Variants in ATXN1 observed in about 807,000 individuals in gnomAD.
ATXN1 encodes the protein ataxin 1.
A neutral mutation model predicts 56.4 loss-of-function variants in ATXN1; 8 were observed. The ratio of observed to expected loss-of-function variants is 0.14; its 90% CI spans 0.08 to 0.26. The LOEUF (loss-of-function observed/expected upper bound fraction) is 0.26, where lower values mean the gene tolerates loss of function less well. ATXN1 is among the 10% of genes least tolerant of loss of function. The pLI is 1.00. For missense variants in ATXN1, 987 were observed against 1,106.5 expected (o/e 0.89, Z 1.53); for synonymous variants, 514 against 494.6 (o/e 1.04, Z -0.52).
At chr6:16,540,549 C>T (rs1418946731) in intron 4 of ATXN1, among the ~76,000 whole-genome samples, 1 of 152,018 alleles carries the variant, frequency 6.6e-6, no homozygotes, top group Non-Finnish European at 1.5e-5. Flanking sequence ...GAGATGAGTT[C>T]TATTATTATT....
At chr6:16,475,001 C>T (rs978985936) in intron 6 of ATXN1, among the ~76,000 whole-genome samples, 1 of 152,112 alleles carries the variant, frequency 6.6e-6, no homozygotes, top group Non-Finnish European at 1.5e-5. Context: ...GACACGGTAA[C>T]CACATCAAAA....
At chr6:16,333,706 G>A (rs1398147436) in intron 6 of ATXN1, among the ~76,000 whole-genome samples, 2 of 152,140 alleles carry the variant, frequency 1.3e-5, no homozygotes, top group Non-Finnish European at 2.9e-5. Context: ...GAAAAACTAC[G>A]TATGCAAACA....
At chr6:16,759,772 G>A (rs1483736120) in intron 1 of ATXN1, among the ~76,000 whole-genome samples, 1 of 151,590 alleles carries the variant, frequency 6.6e-6, no homozygotes, top group Non-Finnish European at 1.5e-5. Flanking sequence ...TAAGGTTCTT[G>A]CTCAATCTCC....
chr6:16,362,933 A>C (rs192018416), intron 6 of ATXN1, among the ~76,000 whole-genome samples: 1 of 152,244 alleles, frequency 6.6e-6, no homozygotes, highest in Non-Finnish European at 1.5e-5. Flanking sequence ...CGCTCATTTA[A>C]GTAAGCACTC....
At chr6:16,380,141 C>T (rs7745262) in intron 6 of ATXN1, among the ~76,000 whole-genome samples, 11,232 of 152,112 alleles carry the variant, frequency 0.074, 854 homozygotes, top group East Asian at 0.43. Flanking sequence ...TGTAATCTGC[C>T]CAGATCACAG....
chr6:16,646,986 T>A (rs1023956862), intron 3 of ATXN1, among the ~76,000 whole-genome samples: 3 of 151,934 alleles, frequency 2.0e-5, no homozygotes, highest in African/African-American at 7.3e-5. Flanking sequence ...CTCATTTAGG[T>A]TTTTTTGTTT....
At chr6:16,356,527 C>T (rs1050413661) in intron 6 of ATXN1, among the ~76,000 whole-genome samples, 2 of 152,092 alleles carry the variant, frequency 1.3e-5, no homozygotes, top group Non-Finnish European at 2.9e-5. Flanking sequence ...AGTATTTTCC[C>T]CACAGTGTTT....
intron 3 of ATXN1, among the ~76,000 whole-genome samples, chr6:16,617,404 A>C (rs191241719): frequency 8.4e-4 from 128 of 152,268 alleles, no homozygotes; most frequent in African/African-American, 3.0e-3. Flanking sequence ...TAAATAGACT[A>C]AAAATAGCTA....
At chr6:16,427,354 A>C (rs1009799636) in intron 6 of ATXN1, among the ~76,000 whole-genome samples, 4 of 152,220 alleles carry the variant, frequency 2.6e-5, no homozygotes, top group Non-Finnish European at 5.9e-5. Context: ...ATGACTTCAG[A>C]CATTCAGACA....
intron 6 of ATXN1, among the ~76,000 whole-genome samples, chr6:16,365,549 G>C (rs1380959813): frequency 6.6e-6 from 1 of 152,120 alleles, no homozygotes; most frequent in Non-Finnish European, 1.5e-5. Context: ...TGACATTTGG[G>C]GGCTTAACAC....
At chr6:16,674,241 G>C (rs962048497) in intron 2 of ATXN1, among the ~76,000 whole-genome samples, 5 of 151,198 alleles carry the variant, frequency 3.3e-5, no homozygotes, top group African/African-American at 9.7e-5. Flanking sequence ...ATGACCCGCA[G>C]CCCAACCTAG....
chr6:16,375,160 C>T (rs549580349), intron 6 of ATXN1, among the ~76,000 whole-genome samples: 3 of 152,274 alleles, frequency 2.0e-5, no homozygotes, highest in South Asian at 2.1e-4. Flanking sequence ...CAGACCCTAT[C>T]GCCGCATCAA....
chr6:16,676,661 C>T (rs1758667180), intron 2 of ATXN1, among the ~76,000 whole-genome samples: 1 of 152,132 alleles, frequency 6.6e-6, no homozygotes, highest in Admixed American at 6.5e-5. Context: ...ATTCTTCTTC[C>T]TATAAAAAGA....
At chr6:16,498,447 C>A (rs1760819094) in intron 5 of ATXN1, among the ~76,000 whole-genome samples, 1 of 152,174 alleles carries the variant, frequency 6.6e-6, no homozygotes, top group Non-Finnish European at 1.5e-5. Flanking sequence ...CTGCTATGAA[C>A]ATTCATGTAC....
intron 7 of ATXN1, among the ~76,000 whole-genome samples, chr6:16,312,435 C>T (rs539022350): frequency 1.3e-5 from 2 of 151,714 alleles, no homozygotes; most frequent in East Asian, 1.9e-4. Context: ...CTTTCCTGCA[C>T]GTAGGCTAGG....
intron 3 of ATXN1, among the ~76,000 whole-genome samples, chr6:16,620,292 C>T (rs916387058): frequency 2.0e-5 from 3 of 151,746 alleles, no homozygotes; most frequent in African/African-American, 7.3e-5. Context: ...CACACACACA[C>T]ACACACACAG....
chr6:16,570,952 C>G (rs1030207531), intron 4 of ATXN1, among the ~76,000 whole-genome samples: 6 of 128,518 alleles, frequency 4.7e-5, no homozygotes, highest in Non-Finnish European at 1.1e-4. Context: ...GTGTGGTGGC[C>G]TAAGAATTAA....
chr6:16,399,373 G>C (rs773104265), intron 6 of ATXN1, among the ~76,000 whole-genome samples: 2 of 152,182 alleles, frequency 1.3e-5, no homozygotes, highest in Non-Finnish European at 2.9e-5. Context: ...TTTCCCTGCT[G>C]TTCTATTAAA....
At chr6:16,750,346 T>C (rs1209690860) in intron 2 of ATXN1, among the ~76,000 whole-genome samples, 3 of 152,214 alleles carry the variant, frequency 2.0e-5, no homozygotes, top group Admixed American at 6.5e-5. Context: ...ATAGTGACTG[T>C]GAACAAGTTA....
Sources: allele counts gnomAD v4.1 joint callset (sites outside exome capture counted in the v4.1 genomes callset), GRCh38; gene constraint gnomAD v4.1.1; transcripts MANE v1.5; gene names NCBI Gene and HGNC (gene_info 2026-07-23, HGNC 2026-07-21).